The following ZNF385D variants were observed in gnomAD, a reference collection of about 807,000 sequenced individuals.
ZNF385D encodes zinc finger protein 659.
Under a neutral mutation model 35.8 loss-of-function variants are expected in ZNF385D, and 15 were observed. The observed-to-expected ratio is 0.42, with a 90% CI of 0.28 to 0.64. ZNF385D has a LOEUF of 0.64. ZNF385D is among the 30% of genes least tolerant of loss of function. ZNF385D has a pLI of 0.23. For missense variants in ZNF385D, 474 were observed against 494.6 expected (o/e 0.96, Z 0.39); for synonymous variants, 212 against 186.8 (o/e 1.13, Z -1.10).
At chr3:21,852,582 C>CTA (rs992811122) in intron 3 of ZNF385D, among the ~76,000 whole-genome samples, 1 of 151,854 alleles carries the variant, frequency 6.6e-6, no homozygotes. Flanking sequence ...AAAAATGTTG[C>CTA]TATACCACAT....
intron 2 of ZNF385D, among the ~76,000 whole-genome samples, chr3:22,330,206 C>G (rs1694872770): frequency 6.6e-6 from 1 of 152,102 alleles, no homozygotes; most frequent in South Asian, 2.1e-4. Context: ...GCCTTTTACA[C>G]TTTCATTTTT....
chr3:22,327,781 G>C (rs9850798), intron 2 of ZNF385D, among the ~76,000 whole-genome samples: 36,210 of 152,060 alleles, frequency 0.24, 4,471 homozygotes, highest in East Asian at 0.31. Flanking sequence ...ATGCTGCATA[G>C]ATGTGATTTA....
chr3:21,601,730 G>A (rs1295470277), intron 2 of ZNF385D, among the ~76,000 whole-genome samples: 3 of 152,244 alleles, frequency 2.0e-5, no homozygotes, highest in South Asian at 4.1e-4. Context: ...TAACTTTTTC[G>A]TTAGTGATAA....
chr3:21,723,996 C>T (rs1180004021), intron 1 of ZNF385D, among the ~76,000 whole-genome samples: 1 of 152,164 alleles, frequency 6.6e-6, no homozygotes, highest in Non-Finnish European at 1.5e-5. Flanking sequence ...GGCCAATATT[C>T]AACATTCTCA....
chr3:22,313,532 A>C (rs1283162443), intron 2 of ZNF385D, among the ~76,000 whole-genome samples: 4 of 150,336 alleles, frequency 2.7e-5, no homozygotes, highest in Admixed American at 1.3e-4. Flanking sequence ...TGTAGATGTC[A>C]CATTTAACAT....
intron 2 of ZNF385D, among the ~76,000 whole-genome samples, chr3:21,613,340 G>GA (rs1339375053): frequency 4.4e-4 from 51 of 116,808 alleles, no homozygotes; most frequent in African/African-American, 1.5e-3. Flanking sequence ...GAAGTCAGAA[G>GA]ATAAAAAAAA....
rs78902053 is a variant in ZNF385D at position 22,094,567 on chromosome 3, G to C, written c.325+74250C>G. ...ACACACATGAAAGCAGAGGTGGAAG[G>C]AAGAAGTGAATATGAAGGGCCTGGA... is the stretch of plus-strand genomic sequence containing the variant. On this transcript the variant is annotated intron_variant, in intron 3 of 5. Transcript: ENST00000494108. Among the ~76,000 whole-genome samples the C allele has an allele frequency of 3.3e-3, 504 of 151,878 alleles. 3 individuals carry two copies. Among genetic ancestry groups the C allele is most frequent in the African/African-American group, 0.011 (474 of 41,416 alleles).
chr3:22,139,246 C>A lies in ZNF385D; in HGVS notation c.325+29571G>T, dbSNP rs554799966. Among the ~76,000 whole-genome samples the A allele has an allele frequency of 1.5e-3, 235 of 152,200 alleles. 2 individuals are homozygous for A. The highest frequency in any genetic ancestry group is 5.2e-3 in the African/African-American group (217 of 41,530). On this transcript the variant is annotated intron_variant, in intron 3 of 5. Coordinates refer to the ZNF385D transcript ENST00000494108. Reference sequence around the variant, plus strand: ...TCTAGAACTAGAAATACCATTTGACCCAGCCATCCCATTACTGGGTATATA... The same window carrying A: ...TCTAGAACTAGAAATACCATTTGACACAGCCATCCCATTACTGGGTATATA...
At chr3:22,305,583 A>C (rs1165213906) in intron 2 of ZNF385D, among the ~76,000 whole-genome samples, 1 of 152,126 alleles carries the variant, frequency 6.6e-6, no homozygotes, top group East Asian at 1.9e-4. Context: ...TTGCCATAGC[A>C]CAGGAAAAAG....
intron 2 of ZNF385D, among the ~76,000 whole-genome samples, chr3:21,570,113 TAATC>T (rs950086228): frequency 1.4e-4 from 21 of 151,880 alleles, no homozygotes; most frequent in Admixed American, 5.3e-4. Context: ...CTAAATCTAT[TAATC>T]AACTACCCAA....
chr3:21,692,316 C>G (rs1047168134), intron 1 of ZNF385D, among the ~76,000 whole-genome samples: 3 of 152,140 alleles, frequency 2.0e-5, no homozygotes, highest in African/African-American at 7.2e-5. Context: ...GCTTTTCCCA[C>G]TACATTCCTG....
At chr3:21,841,712 A>G (rs1357889341) in intron 3 of ZNF385D, among the ~76,000 whole-genome samples, 1 of 151,940 alleles carries the variant, frequency 6.6e-6, no homozygotes, top group African/African-American at 2.4e-5. Context: ...AATTCTTCCA[A>G]ATTACACACA....
At position 21,985,844 on chromosome 3, in the gene ZNF385D, C is replaced by A. The variant is rs1481177288; in HGVS notation, c.325+182973G>T. ...CTATTGATTATTGCCACAATTTCAG[C>A]TCCTGTTATTGGTCTATTCAGAGAT... On this transcript the variant is annotated intron_variant, in intron 3 of 5. Transcript: ENST00000494108. Among the ~76,000 whole-genome samples the A allele has an allele frequency of 1.7e-4, 20 of 119,824 alleles. No individual in the cohort carries two copies. In the East Asian group the frequency reaches 2.2e-3, roughly 13 times the overall value. 78.6% of individuals were successfully genotyped at this position (119,824 alleles called of 152,430 possible). A position where few individuals can be genotyped will look rare whatever the true frequency, so the allele number is the denominator to read the frequency against.
At position 21,988,131 on chromosome 3, in the gene ZNF385D, A is replaced by G. The variant is rs1576093159; in HGVS notation, c.325+180686T>C. Among the ~76,000 whole-genome samples, 5 of 125,596 alleles carry G rather than the reference A, an allele frequency of 4.0e-5. 1 individual carries two copies. In the East Asian group the frequency reaches 1.1e-3, roughly 29 times the overall value. 82.4% of individuals were successfully genotyped at this position (125,596 alleles called of 152,430 possible). A position where few individuals can be genotyped will look rare whatever the true frequency, so the allele number is the denominator to read the frequency against. Reference sequence around the variant, plus strand: ...TGGTTTGAATGTCCTCCCGTAGCTCAGAGTCATTTGATCATCTGAAGCCTT... The same window carrying G: ...TGGTTTGAATGTCCTCCCGTAGCTCGGAGTCATTTGATCATCTGAAGCCTT... On this transcript the variant is annotated intron_variant, in intron 3 of 5. Coordinates refer to the ZNF385D transcript ENST00000494108.
intron 3 of ZNF385D, among the ~76,000 whole-genome samples, chr3:22,038,347 C>G (rs1449242108): frequency 6.6e-6 from 1 of 152,182 alleles, no homozygotes; most frequent in Non-Finnish European, 1.5e-5. Context: ...GCTTAGAATA[C>G]TGGCTTTCTC....
At position 21,810,971 on chromosome 3, in the gene ZNF385D, C is replaced by CGT. The variant is rs139624741; in HGVS notation, c.326-145945_326-145944dup. ...ACACACACACATATGTGTGTGTATA[C>CGT]GTGTGTGTGTGTGTGTGTGTGTGTG... On this transcript the variant is annotated intron_variant, in intron 3 of 5. Transcript: ENST00000494108. 8.7e-4 allele frequency among the ~76,000 whole-genome samples: 126 copies of CGT among 144,420 alleles called. 1 individual carries two copies. Among genetic ancestry groups the CGT allele is most frequent in the African/African-American group, 1.5e-3 (60 of 38,784 alleles). The allele number at this position is 144,420 out of a possible 152,430, so 94.7% of individuals were successfully genotyped here. A position where few individuals can be genotyped will look rare whatever the true frequency, so the allele number is the denominator to read the frequency against.
rs114959565 is a variant in ZNF385D, at chr3:21,857,000, T to C, written c.326-191972A>G. 7.7e-3 allele frequency among the ~76,000 whole-genome samples: 1,174 copies of C among 152,182 alleles called. 16 individuals are homozygous for C. Among genetic ancestry groups the C allele is most frequent in the African/African-American group, 0.027 (1,127 of 41,542 alleles). ...TTCTCATGTTTAACCATGTTCCACC[T>C]AAGAAGGGTTCTATTCGAAGCAGAA... On this transcript the variant is annotated intron_variant, in intron 3 of 5. Coordinates refer to the ZNF385D transcript ENST00000494108.
chr3:21,896,053 G>T (rs796189275), intron 3 of ZNF385D, among the ~76,000 whole-genome samples: 2 of 152,126 alleles, frequency 1.3e-5, no homozygotes, highest in Non-Finnish European at 2.9e-5. Flanking sequence ...TTTGACTTGT[G>T]TAAGGAATTC....
chr3:21,497,685 C>T (rs1559348928), intron 4 of ZNF385D, among the ~76,000 whole-genome samples: 1 of 151,830 alleles, frequency 6.6e-6, no homozygotes, highest in Non-Finnish European at 1.5e-5. Flanking sequence ...CCTGTCTCTA[C>T]TAAAAATACA....
Sources: gnomAD v4.1 joint callset for allele counts (sites outside exome capture counted in the v4.1 genomes callset) on GRCh38, gnomAD v4.1.1 for gene constraint, MANE v1.5 for transcripts, NCBI Gene and HGNC (gene_info 2026-07-23, HGNC 2026-07-21) for gene names.